PIEZO1: variants seen among roughly 807,000 people sequenced by gnomAD.
The protein encoded by PIEZO1 is piezo type mechanosensitive ion channel component 1 (Er blood group).
PIEZO1 carries 296 observed loss-of-function variants against 297.2 expected under a neutral mutation model. The ratio of observed to expected loss-of-function variants is 1.00; its 90% CI spans 0.91 to 1.10. The LOEUF (loss-of-function observed/expected upper bound fraction) is 1.10, where lower values mean the gene tolerates loss of function less well. PIEZO1 is among the 50% of genes least tolerant of loss of function. The pLI is 0.00. For missense variants in PIEZO1, 5,018 were observed against 3,455.5 expected, an observed-to-expected ratio of 1.45 and a Z score of -11.34; for synonymous variants, 2,427 against 1,507.5, an observed-to-expected ratio of 1.61 and a Z score of -14.13.
intron 2 of PIEZO1, among the ~76,000 whole-genome samples, chr16:88,747,346 G>A (rs974956858): frequency 6.6e-6 from 1 of 151,942 alleles, no homozygotes; most frequent in African/African-American, 2.4e-5. Context: ...TAAAACCCCT[G>A]TCTCTACAAA....
chr16:88,746,867 G>A (rs736204), intron 2 of PIEZO1, among the ~76,000 whole-genome samples: 61,073 of 151,770 alleles, frequency 0.4, 12,532 homozygotes, highest in Middle Eastern at 0.51. Context: ...ACGGCGAAAC[G>A]CCAGGGGCCT....
intron 1 of PIEZO1, among the ~76,000 whole-genome samples, chr16:88,753,177 A>G (rs12931316): frequency 7.3e-5 from 5 of 68,748 alleles, no homozygotes; most frequent in African/African-American, 1.8e-4. Context: ...GAGCACACCT[A>G]TCCATCCCCA....
intron 22 of PIEZO1, 121 bp from the exon 23 acceptor site, chr16:88,727,782 C>G (rs1904560241): frequency 1.0e-5 from 5 of 485,210 alleles, no homozygotes; most frequent in Non-Finnish European, 1.9e-5. Flanking sequence ...TCACCTCGCG[C>G]ACACCTGGTG....
intron 1 of PIEZO1, among the ~76,000 whole-genome samples, chr16:88,769,095 A>G (rs564346841): frequency 2.1e-4 from 32 of 152,354 alleles, no homozygotes; most frequent in South Asian, 1.7e-3. Context: ...TTTCCAGTTT[A>G]GGATTTTCTG....
At chr16:88,753,128 G>A (rs1321304219) in intron 1 of PIEZO1, among the ~76,000 whole-genome samples, 3 of 56,600 alleles carry the variant, frequency 5.3e-5, no homozygotes, top group African/African-American at 7.9e-5. Flanking sequence ...ACTCACCCCC[G>A]GAGCACCCCT....
intron 1 of PIEZO1, among the ~76,000 whole-genome samples, chr16:88,781,431 C>T (rs760266259): frequency 1.3e-5 from 2 of 152,260 alleles, no homozygotes; most frequent in Non-Finnish European, 2.9e-5. Flanking sequence ...TCCCCAAACA[C>T]GCACACATGT....
At chr16:88,757,704 CG>C (rs1906743929) in intron 1 of PIEZO1, among the ~76,000 whole-genome samples, 1 of 152,126 alleles carries the variant, frequency 6.6e-6, no homozygotes, top group Non-Finnish European at 1.5e-5. Flanking sequence ...AGCCAGGCTG[CG>C]GGCCGGAGCT....
At chr16:88,730,503 C>A (rs544709239) in intron 22 of PIEZO1, among the ~76,000 whole-genome samples, 1 of 146,058 alleles carries the variant, frequency 6.8e-6, no homozygotes, top group African/African-American at 2.6e-5. Context: ...GAGGCTGAGA[C>A]AGGAGAATTG....
intron 1 of PIEZO1, among the ~76,000 whole-genome samples, chr16:88,764,237 T>C (rs1907064352): frequency 6.6e-6 from 1 of 152,084 alleles, no homozygotes; most frequent in Non-Finnish European, 1.5e-5. Context: ...CCACAGGAGA[T>C]GGGGTCCTCT....
intron 1 of PIEZO1, among the ~76,000 whole-genome samples, chr16:88,782,241 C>T (rs1907968881): frequency 6.6e-6 from 1 of 152,202 alleles, no homozygotes; most frequent in South Asian, 2.1e-4. Context: ...TCCTGAGTAG[C>T]TGGGACTACA....
intron 27 of PIEZO1, 160 bp from the exon 28 acceptor site, chr16:88,725,844 C>G: frequency 1.6e-6 from 1 of 616,646 alleles, no homozygotes; most frequent in Non-Finnish European, 3.0e-6. Context: ...CCCCCACCCT[C>G]CGTGCTGTCT....
At chr16:88,776,424 ACT>A (rs1243341705) in intron 1 of PIEZO1, among the ~76,000 whole-genome samples, 1 of 149,800 alleles carries the variant, frequency 6.7e-6, no homozygotes, top group African/African-American at 2.5e-5. Context: ...ACAGAGCGAG[ACT>A]CTGTCTCAAA....
chr16:88,767,776 G>C lies in PIEZO1; in HGVS notation c.64+17125C>G, dbSNP rs146942760. Among the ~76,000 whole-genome samples, 549 of 152,268 alleles carry C rather than the reference G, an allele frequency of 3.6e-3. 5 individuals carry two copies. The highest frequency in any genetic ancestry group is 0.028 in the South Asian group (135 of 4,826). On this transcript the variant is annotated intron_variant, in intron 1 of 50. Transcript: ENST00000301015. ...CATCTCCGCTGAGCCTTCTGCCTCA[G>C]GGTGACCCCACCCTGCCCTGCCCTA...
intron 2 of PIEZO1, among the ~76,000 whole-genome samples, chr16:88,748,086 G>A (rs560067217): frequency 1.5e-4 from 23 of 152,300 alleles, no homozygotes; most frequent in Admixed American, 1.3e-3. Flanking sequence ...ACGCCCCCTG[G>A]TCCTGCTTGG....
rs191656121 is a variant in PIEZO1 at position 88,723,301 on chromosome 16, C to T, written c.4363G>A (p.Ala1455Thr). The T allele has an allele frequency of 1.5e-3, 2,320 of 1,539,720 alleles. 9 individuals carry two copies. Among genetic ancestry groups the T allele is most frequent in the Middle Eastern group, 5.3e-3 (32 of 5,992 alleles). Reference sequence around the variant, plus strand: ...TGCCGCCGCCTCAGCACCGCCTGGGCGTTGGTCACCCATGCCTGGTACGCC... The same window carrying T: ...TGCCGCCGCCTCAGCACCGCCTGGGTGTTGGTCACCCATGCCTGGTACGCC... ...QLAYQAWVTN[A>T]QAVLRRRQQE... Residue 1455 changes from alanine (A) to threonine (T), a missense_variant, in exon 32 of 51, where the codon GCC becomes ACC. Ala to Thr is a moderately conservative substitution (Grantham distance 58). Transcript: ENST00000301015.
chr16:88,732,924 G>T (rs1257435057), intron 19 of PIEZO1, 192 bp from the exon 20 acceptor site: 4 of 616,690 alleles, frequency 6.5e-6, no homozygotes, highest in Non-Finnish European at 1.1e-5. Context: ...ACCACGGGCA[G>T]GGGCTGGGGG....
intron 40 of PIEZO1, 39 bp from the exon 41 acceptor site, chr16:88,720,571 C>T: frequency 6.5e-7 from 1 of 1,534,936 alleles, no homozygotes; most frequent in African/African-American, 1.4e-5. Flanking sequence ...CAGTACCCGC[C>T]TCCCCACCCC....
intron 2 of PIEZO1, chr16:88,743,421 C>A (rs545271481): frequency 1.1e-5 from 5 of 436,674 alleles, no homozygotes; most frequent in African/African-American, 1.0e-4. Context: ...GCACCACCAG[C>A]CACGCCCGGC....
At chr16:88,717,710 T>C (rs930044628) in intron 44 of PIEZO1, 5 of 440,400 alleles carry the variant, frequency 1.1e-5, no homozygotes, top group Non-Finnish European at 2.3e-5. Flanking sequence ...AGACAGTCCA[T>C]AGAATTGGAG....
Sources: allele counts gnomAD v4.1 joint callset (sites outside exome capture counted in the v4.1 genomes callset), GRCh38; gene constraint gnomAD v4.1.1; transcripts MANE v1.5; gene names NCBI Gene and HGNC (gene_info 2026-07-23, HGNC 2026-07-21).